The following IRAG1 variants were observed in gnomAD, a reference collection of about 807,000 sequenced individuals.
IRAG1 encodes the protein IP3R-associated cGMP kinase substrate.
A neutral mutation model predicts 106.2 loss-of-function variants in IRAG1; 62 were observed. The observed-to-expected ratio is 0.58, with a 90% confidence interval of 0.48 to 0.72. IRAG1 has a LOEUF of 0.72. Among genes scored for constraint, IRAG1 ranks in the 30% least tolerant of loss-of-function variants. The pLI is 0.00. For missense variants in IRAG1, 1,064 were observed against 1,140.7 expected (o/e 0.93, Z 0.97); for synonymous variants, 462 against 443.9 (o/e 1.04, Z -0.51).
intron 20 of IRAG1, among the ~76,000 whole-genome samples, chr11:10,578,007 C>A (rs765255313): frequency 1.3e-5 from 2 of 152,152 alleles, no homozygotes; most frequent in Admixed American, 6.5e-5. Context: ...TAAAATGGAG[C>A]CTTTGGGGCT....
intron 1 of IRAG1, among the ~76,000 whole-genome samples, chr11:10,671,104 G>C (rs1366515436): frequency 6.6e-6 from 1 of 152,142 alleles, no homozygotes; most frequent in African/African-American, 2.4e-5. Flanking sequence ...TATTTTTCCA[G>C]GCTAACCACA....
chr11:10,580,428 CA>C (rs1172004389), intron 20 of IRAG1, 26 bp downstream of exon 20: 1 of 1,599,750 alleles, frequency 6.3e-7, no homozygotes, highest in Non-Finnish European at 8.5e-7. Flanking sequence ...TCAGCAACGG[CA>C]AGGACTCCAA....
intron 14 of IRAG1, among the ~76,000 whole-genome samples, chr11:10,602,332 G>A (rs1310358616): frequency 6.6e-6 from 1 of 152,218 alleles, no homozygotes; most frequent in African/African-American, 2.4e-5. Context: ...ACATCCAAAT[G>A]CTTTACAAGT....
chr11:10,661,720 A>G (rs940460535), intron 1 of IRAG1, among the ~76,000 whole-genome samples: 9 of 152,256 alleles, frequency 5.9e-5, no homozygotes, highest in African/African-American at 1.7e-4. Context: ...GCCTCCTTAT[A>G]AGAACTCATG....
chr11:10,637,009 G>A (rs935945777), intron 2 of IRAG1, among the ~76,000 whole-genome samples: 3 of 152,194 alleles, frequency 2.0e-5, no homozygotes, highest in Non-Finnish European at 4.4e-5. Flanking sequence ...GAAGGACCTC[G>A]AAGCTACTCT....
At chr11:10,594,287 CAG>C (rs1253353415) in intron 15 of IRAG1, 92 bp from the exon 16 acceptor site, 1 of 1,245,562 alleles carries the variant, frequency 8.0e-7, no homozygotes, top group Non-Finnish European at 1.1e-6. Context: ...ATCCATGGGC[CAG>C]AACTGGCCCT....
intron 3 of IRAG1, among the ~76,000 whole-genome samples, chr11:10,633,229 C>A (rs147855349): frequency 7.2e-5 from 11 of 152,012 alleles, no homozygotes; most frequent in African/African-American, 1.9e-4. Flanking sequence ...CGCCCGCCAC[C>A]ACACCCGGCT....
intron 2 of IRAG1, among the ~76,000 whole-genome samples, chr11:10,637,179 A>G (rs1857207483): frequency 6.6e-6 from 1 of 152,228 alleles, no homozygotes; most frequent in Non-Finnish European, 1.5e-5. Context: ...CCCAGTTATT[A>G]GAACATCTAT....
intron 20 of IRAG1, among the ~76,000 whole-genome samples, chr11:10,577,398 C>G (rs1850933563): frequency 6.6e-6 from 1 of 152,142 alleles, no homozygotes; most frequent in African/African-American, 2.4e-5. Context: ...TCCTCTCTCT[C>G]TCTCTGTGGT....
intron 2 of IRAG1, among the ~76,000 whole-genome samples, chr11:10,638,084 T>C (rs1326125162): frequency 1.3e-5 from 2 of 152,356 alleles, no homozygotes; most frequent in South Asian, 4.1e-4. Context: ...AGGTGTGATC[T>C]CTTGGATGTC....
At chr11:10,627,112 G>A (rs1856301739) in intron 8 of IRAG1, among the ~76,000 whole-genome samples, 2 of 152,148 alleles carry the variant, frequency 1.3e-5, no homozygotes, top group Admixed American at 1.3e-4. Context: ...ATTCTGCAGT[G>A]TTAGTTTACT....
chr11:10,656,602 A>G (rs1055236425), intron 1 of IRAG1, among the ~76,000 whole-genome samples: 3 of 152,230 alleles, frequency 2.0e-5, no homozygotes, highest in Non-Finnish European at 4.4e-5. Flanking sequence ...TAAGTCGCCT[A>G]CTGAGCATCG....
intron 1 of IRAG1, among the ~76,000 whole-genome samples, chr11:10,687,190 G>A (rs1235395415): frequency 6.6e-6 from 1 of 152,180 alleles, no homozygotes; most frequent in Non-Finnish European, 1.5e-5. Flanking sequence ...ACTAGGGCAG[G>A]ACACAAGTCT....
At chr11:10,674,793 A>G (rs1860519369) in intron 1 of IRAG1, among the ~76,000 whole-genome samples, 1 of 152,104 alleles carries the variant, frequency 6.6e-6, no homozygotes, top group South Asian at 2.1e-4. Context: ...GATTCAGCCA[A>G]CTCTGAGGAG....
chr11:10,617,808 A>G (rs1855543512), intron 10 of IRAG1, among the ~76,000 whole-genome samples: 1 of 152,116 alleles, frequency 6.6e-6, no homozygotes, highest in South Asian at 2.1e-4. Flanking sequence ...CTGATCTCCA[A>G]TAGCTGTCAA....
intron 18 of IRAG1, among the ~76,000 whole-genome samples, chr11:10,585,183 C>G (rs1851821828): frequency 6.6e-6 from 1 of 152,154 alleles, no homozygotes; most frequent in Non-Finnish European, 1.5e-5. Context: ...GTAAACAAAG[C>G]TCTCATTGTC....
intron 15 of IRAG1, among the ~76,000 whole-genome samples, chr11:10,597,683 A>T (rs1057300748): frequency 1.3e-5 from 2 of 152,158 alleles, no homozygotes; most frequent in African/African-American, 4.8e-5. Context: ...AGCTTATCTT[A>T]AAAAAATTGT....
Position 10,594,154 on chromosome 11 carries a change from G to C in IRAG1, c.2059C>G (p.Leu687Val), listed in dbSNP as rs892626262. The change falls in exon 16 of 21, where the codon CTG (leucine) becomes GTG (valine). Residue 687 changes from leucine (L) to valine (V), a missense_variant. Transcript: ENST00000423302. ...TCCTTGAACATGCATACCTTTCCCA[G>C]CGTGAGGGACATGGACCGTGCCGTG... ...PRTARSMSLT[L>V]GKNMPRRRVS... 14 of 1,608,556 alleles carry C rather than the reference G, an allele frequency of 8.7e-6. No homozygotes were observed. The African/African-American group carries it at 1.6e-4, about 18-fold the overall frequency.
chr11:10,644,919 C>T (rs1432529948), intron 2 of IRAG1, among the ~76,000 whole-genome samples: 3 of 152,114 alleles, frequency 2.0e-5, no homozygotes, highest in African/African-American at 7.2e-5. Flanking sequence ...GATAGAGAAG[C>T]TGGCAATCTG....
Sources: allele counts gnomAD v4.1 joint callset (sites outside exome capture counted in the v4.1 genomes callset), GRCh38; gene constraint gnomAD v4.1.1; transcripts MANE v1.5; gene names NCBI Gene and HGNC (gene_info 2026-07-23, HGNC 2026-07-21).